Variants in WDFY4 observed in about 807,000 individuals in gnomAD.
The protein encoded by WDFY4 is WD repeat- and FYVE domain-containing protein 4.
In WDFY4, 169 loss-of-function variants were observed where a neutral mutation model predicts 351.9. The ratio of observed to expected loss-of-function variants is 0.48; its 90% confidence interval spans 0.42 to 0.55. The LOEUF is 0.55. Among genes scored for constraint, WDFY4 ranks in the 20% least tolerant of loss-of-function variants. The pLI is 0.00. For synonymous variants in WDFY4, 1,622 were observed against 1,574.6 expected (o/e 1.03, Z -0.71); for missense variants, 3,803 against 3,935.6 (o/e 0.97, Z 0.90).
At chr10:48,794,149 G>A (rs1262389643) in intron 23 of WDFY4, among the ~76,000 whole-genome samples, 3 of 152,152 alleles carry the variant, frequency 2.0e-5, no homozygotes, top group African/African-American at 7.2e-5. Context: ...CAGGTGATGG[G>A]CAATTGCAGG....
intron 3 of WDFY4, 122 bp from the exon 4 acceptor site, chr10:48,721,139 G>A: frequency 1.1e-6 from 1 of 889,088 alleles, no homozygotes. Flanking sequence ...GGGATGTGTA[G>A]GCAAGATGCC....
intron 24 of WDFY4, among the ~76,000 whole-genome samples, chr10:48,800,469 T>C (rs1330330448): frequency 2.0e-5 from 3 of 151,648 alleles, no homozygotes; most frequent in Non-Finnish European, 4.4e-5. Context: ...CAGGAGATTG[T>C]TGAAGCAGGG....
chr10:48,787,957 CTT>C (rs2066531638), intron 20 of WDFY4, among the ~76,000 whole-genome samples: 1 of 123,746 alleles, frequency 8.1e-6, no homozygotes, highest in Non-Finnish European at 1.6e-5. Flanking sequence ...TCTTCTTCTT[CTT>C]CTTCTTCTTC....
In WDFY4 at chr10:48,982,657, C is replaced by G; in HGVS notation, c.*82C>G. On this transcript the variant is annotated 3_prime_UTR_variant, in exon 62 of 62. Coordinates refer to ENST00000325239, the MANE Select transcript of WDFY4 (RefSeq NM_001394531.1). The stretch of plus-strand genomic sequence containing the variant: ...GTGACTGGGGCCTGAGCTCTGCCTA[C>G]AGAAGAAACCCCCAGGGCCTCCTTC... 7.1e-7 allele frequency: 1 copy of G among 1,398,926 alleles called. No individual in the cohort carries two copies. The highest frequency in any genetic ancestry group is 1.2e-5 in the South Asian group (1 of 80,534). 86.7% of individuals were successfully genotyped at this position (1,398,926 alleles called of 1,614,324 possible).
chr10:48,928,923 G>T (rs74871489), intron 47 of WDFY4, among the ~76,000 whole-genome samples: 20,952 of 152,228 alleles, frequency 0.14, 1,640 homozygotes, highest in Middle Eastern at 0.2. Flanking sequence ...ACTGTTCCAG[G>T]CAGCAAAGAA....
intron 47 of WDFY4, among the ~76,000 whole-genome samples, chr10:48,927,388 T>C (rs1839662344): frequency 6.6e-6 from 1 of 152,180 alleles, no homozygotes; most frequent in Non-Finnish European, 1.5e-5. Flanking sequence ...GGGAGGGGAA[T>C]ATGTGTGAGA....
intron 30 of WDFY4, among the ~76,000 whole-genome samples, chr10:48,813,053 G>A (rs552634006): frequency 6.6e-6 from 1 of 152,240 alleles, no homozygotes; most frequent in South Asian, 2.1e-4. Flanking sequence ...CAATACAAAT[G>A]TGTGCCTGCC....
chr10:48,872,391 C>G (rs1380678934), intron 40 of WDFY4, among the ~76,000 whole-genome samples: 4 of 152,136 alleles, frequency 2.6e-5, no homozygotes, highest in Non-Finnish European at 4.4e-5. Flanking sequence ...AGGCACTTCT[C>G]CTTTGCAGAC....
At chr10:48,729,345 T>C (rs1021363589) in intron 7 of WDFY4, 87 bp from the exon 8 acceptor site, 3 of 1,501,958 alleles carry the variant, frequency 2.0e-6, no homozygotes, top group African/African-American at 2.8e-5. Context: ...CAGATCCCCA[T>C]TGGCTCTGTC....
intron 39 of WDFY4, among the ~76,000 whole-genome samples, chr10:48,854,614 A>T (rs1210997524): frequency 6.6e-6 from 1 of 152,174 alleles, no homozygotes; most frequent in Non-Finnish European, 1.5e-5. Flanking sequence ...AGATTGAGTG[A>T]TCTCTCCTGT....
chr10:48,779,277 C>T (rs2066140722), intron 18 of WDFY4, among the ~76,000 whole-genome samples: 1 of 152,240 alleles, frequency 6.6e-6, no homozygotes, highest in Admixed American at 6.5e-5. Flanking sequence ...ACCCAGAAGG[C>T]TGGCCCATGC....
rs1004031895 is a variant in WDFY4, at chr10:48,966,407, T to C, written c.8437-119T>C. On this transcript the variant is annotated intron_variant, in intron 54 of 61. Coordinates refer to ENST00000325239, the MANE Select transcript of WDFY4 (RefSeq NM_001394531.1). ...GAGGTTCTGTTCATGTTCAGCTCTG[T>C]CAGGAACAAGCCGAGCTGTGGCAAC... 3.5e-6 allele frequency: 4 copies of C among 1,138,104 alleles called. No individual in the cohort carries two copies. The South Asian group carries it at 7.0e-5, about 20-fold the overall frequency. The allele number at this position is 1,138,104 out of a possible 1,614,324, so 70.5% of individuals were successfully genotyped here.
chr10:48,755,110 C>T (rs1315311814), intron 12 of WDFY4, among the ~76,000 whole-genome samples: 1 of 152,134 alleles, frequency 6.6e-6, no homozygotes, highest in Admixed American at 6.5e-5. Context: ...ACCCTATCCT[C>T]GCAACCGTGG....
chr10:48,734,396 G>T (rs550675013), intron 10 of WDFY4, among the ~76,000 whole-genome samples: 1 of 152,034 alleles, frequency 6.6e-6, no homozygotes, highest in Admixed American at 6.5e-5. Flanking sequence ...AAGAAATCTA[G>T]CCATTTTAAA....
chr10:48,907,064 T>C (rs754062466), intron 47 of WDFY4, among the ~76,000 whole-genome samples: 3 of 152,212 alleles, frequency 2.0e-5, no homozygotes, highest in Non-Finnish European at 4.4e-5. Flanking sequence ...AAAAGAGTAC[T>C]GGGGAACCTA....
rs533773232 is a variant in WDFY4 at position 48,794,405 on chromosome 10, A to G, written c.4258-1893A>G. 5.1e-4 allele frequency among the ~76,000 whole-genome samples: 77 copies of G among 152,222 alleles called. No homozygotes were observed. In the Middle Eastern group the frequency reaches 0.027, roughly 54 times the overall value. On this transcript the variant is annotated intron_variant, in intron 23 of 61. Transcript: ENST00000325239. ...GGAAGGGAGATGCTGGGACATGCTCAGTGGGAAATGTTTGTGAGACATTGA... is the reference window on the plus strand; with the variant it reads ...GGAAGGGAGATGCTGGGACATGCTCGGTGGGAAATGTTTGTGAGACATTGA...
In WDFY4 at chr10:48,807,940, A is replaced by T. The variant is rs771168603; in HGVS notation, c.4820A>T (p.Gln1607Leu). ...EMLLSVISSP[Q>L]LHLSSESKEE... The stretch of plus-strand genomic sequence containing the variant: ...CTGCTCAGTGTAATATCTTCCCCCC[A>T]GCTTCATCTGTCCTCTGAGTAAGTA... The change falls in exon 28 of 62, where the codon CAG becomes CTG. Residue 1607 changes from glutamine (Q) to leucine (L), a missense_variant. This residue lies in a region of WDFY4 where 3,054 missense variants were observed against 3,148.6 expected (regional missense o/e 0.97). Coordinates refer to ENST00000325239, the MANE Select transcript of WDFY4 (RefSeq NM_001394531.1). 3.9e-6 allele frequency: 6 copies of T among 1,547,072 alleles called. No homozygotes were observed. The South Asian group carries it at 6.0e-5, about 15-fold the overall frequency.
chr10:48,817,167 C>G (rs1451139141), intron 31 of WDFY4, 78 bp from the exon 32 acceptor site: 4 of 1,490,006 alleles, frequency 2.7e-6, no homozygotes, highest in Non-Finnish European at 3.6e-6. Context: ...AATCTTCTCC[C>G]TAGACCTCAG....
At chr10:48,816,795 G>A (rs1233725507) in intron 31 of WDFY4, among the ~76,000 whole-genome samples, 3 of 152,202 alleles carry the variant, frequency 2.0e-5, no homozygotes, top group African/African-American at 7.2e-5. Flanking sequence ...TATTAAAGAT[G>A]TGAATTTTAG....
Sources: gnomAD v4.1 joint callset for allele counts (sites outside exome capture counted in the v4.1 genomes callset) on GRCh38, gnomAD v4.1.1 for gene constraint, gnomAD v4.1.1 regional missense constraint, MANE v1.5 for transcripts, NCBI Gene and HGNC (gene_info 2026-07-23, HGNC 2026-07-21) for gene names.